Variants in F10 observed in about 807,000 individuals in gnomAD.
F10 encodes Stuart-Prower factor.
F10 carries 29 observed loss-of-function variants against 37.1 expected under a neutral mutation model. That is an observed-to-expected ratio of 0.78 (90% CI 0.58 to 1.07). F10 has a LOEUF of 1.07. Among genes scored for constraint, F10 ranks in the 50% least tolerant of loss-of-function variants. The probability of loss-of-function intolerance (pLI) is 0.00; values close to 1 mark genes in which losing one functional copy is unlikely to be tolerated. For synonymous variants in F10, 262 were observed against 268.6 expected (o/e 0.98, Z 0.24); for missense variants, 539 against 667.9 (o/e 0.81, Z 2.13).
Position 113,149,195 on chromosome 13 carries a change from T to C in F10, c.1145T>C (p.Val382Ala), listed in dbSNP as rs1595099586. 1.9e-6 allele frequency: 3 copies of C among 1,612,102 alleles called. No individual in the cohort carries two copies. The highest frequency in any genetic ancestry group is 2.5e-6 in the Non-Finnish European group (3 of 1,179,898). The change falls in exon 8 of 8, where the codon GTG becomes GCG. Residue 382 changes from valine (V) to alanine (A), a missense_variant. By Grantham distance (64) the Val-to-Ala change is moderately conservative (BLOSUM62 0). Coordinates refer to ENST00000375559, the MANE Select transcript of F10 (RefSeq NM_000504.4). The surrounding 1 kb of genome is among the most constrained non-coding windows in gnomAD (Gnocchi z 7.5). ...TCCACCAGGCTCAAGATGCTGGAGG[T>C]GCCCTACGTGGACCGCAACAGCTGC... ...RQSTRLKMLE[V>A]PYVDRNSCKL...
intron 2 of F10, among the ~76,000 whole-genome samples, chr13:113,135,174 T>G (rs1218708788): frequency 6.7e-6 from 1 of 149,156 alleles, no homozygotes; most frequent in East Asian, 2.0e-4. Context: ...ACCTGGGAGG[T>G]GAAGGTTGCA....
At position 113,148,255 on chromosome 13, in the gene F10, C is replaced by G. The variant is rs997658120; in HGVS notation, c.866-661C>G. ...CTGAGGCAGGAGAACCACTTGAACC[C>G]GGGAGGTGGAGGTTGCAGTGAGCTG... On this transcript the variant is annotated intron_variant, in intron 7 of 7. Coordinates refer to ENST00000375559, the MANE Select transcript of F10 (RefSeq NM_000504.4). Among the ~76,000 whole-genome samples the G allele has an allele frequency of 5.3e-5, 8 of 149,614 alleles. No individual in the cohort carries two copies. The South Asian group carries it at 1.3e-3, about 24-fold the overall frequency.
At chr13:113,122,957 C>G in intron 1 of F10, 32 bp downstream of exon 1, 1 of 1,605,122 alleles carries the variant, frequency 6.2e-7, no homozygotes, top group Non-Finnish European at 8.5e-7. Context: ...GACCCAAAAG[C>G]AGCGCCAGGG....
At chr13:113,148,854 C>T in intron 7 of F10, 62 bp from the exon 8 acceptor site, 2 of 1,573,588 alleles carry the variant, frequency 1.3e-6, no homozygotes, top group Non-Finnish European at 1.7e-6. Flanking sequence ...CCTTAAAAAG[C>T]AACGGATGTG....
At position 113,144,918 on chromosome 13, in the gene F10, G is replaced by A. The variant is rs1374072155; in HGVS notation, c.747+823G>A. Among the ~76,000 whole-genome samples the A allele has an allele frequency of 9.3e-5, 14 of 150,676 alleles. No individual in the cohort carries two copies. Among genetic ancestry groups the A allele is most frequent in the South Asian group, 4.2e-4 (2 of 4,764 alleles). ...TTTTGAGACGGAGTCTCACTCTGTC[G>A]CCCAGGCTGGAGTGCAGTGGCGCGA... On this transcript the variant is annotated intron_variant, in intron 6 of 7. Coordinates refer to ENST00000375559, the MANE Select transcript of F10 (RefSeq NM_000504.4). This position sits in a 1 kb window ranked among gnomAD's most constrained non-coding sequence, Gnocchi z 6.4.
At position 113,129,523 on chromosome 13, in the gene F10, A is replaced by C. The variant is rs201731360; in HGVS notation, c.142A>C (p.Met48Leu). Residue 48 changes from methionine (M) to leucine (L), a missense_variant, in exon 2 of 8, where the codon ATG (methionine) becomes CTG (leucine). Coordinates refer to ENST00000375559, the MANE Select transcript of F10 (RefSeq NM_000504.4). ...VTRANSFLEE[M>L]KKGHLERECM... ...GAGGGCCAATTCCTTTCTTGAAGAG[A>C]TGAAGAAAGGACACCTCGAAAGAGA... is the stretch of plus-strand genomic sequence containing the variant. The C allele has an allele frequency of 1.3e-4, 202 of 1,614,032 alleles. No individual in the cohort carries two copies. The highest frequency in any genetic ancestry group is 1.7e-4 in the Non-Finnish European group (196 of 1,180,026).
Position 113,129,464 on chromosome 13 carries a change from G to C in F10, c.83G>C (p.Arg28Thr), listed in dbSNP as rs2036405261. ...CCCTGCCTTCCAGTGTTCATCCGCA[G>C]GGAGCAGGCCAACAACATCCTGGCG... ...LLLGESLFIR[R>T]EQANNILARV... The change falls in exon 2 of 8, where the codon AGG (arginine) becomes ACG (threonine). Residue 28 changes from arginine to threonine, a missense_variant. Arg to Thr is a moderately conservative substitution (Grantham distance 71). Coordinates refer to ENST00000375559, the MANE Select transcript of F10 (RefSeq NM_000504.4). 3.1e-6 allele frequency: 5 copies of C among 1,613,782 alleles called. No individual in the cohort carries two copies. The highest frequency in any genetic ancestry group is 2.2e-5 in the South Asian group (2 of 91,054).
In F10 at chr13:113,146,054, C is replaced by T. The variant is rs945130762; in HGVS notation, c.748-1325C>T. Among the ~76,000 whole-genome samples, 1 of 152,188 alleles carries T rather than the reference C, an allele frequency of 6.6e-6. No individual in the cohort carries two copies. The highest frequency in any genetic ancestry group is 2.4e-5 in the African/African-American group (1 of 41,454). ...GCTGCCAGCGCCCCCATGAATTCCC[C>T]CAGGTCTTCCCCCACCCCAGACCGT... is the stretch of plus-strand genomic sequence containing the variant. On this transcript the variant is annotated intron_variant, in intron 6 of 7. Coordinates refer to ENST00000375559, the MANE Select transcript of F10 (RefSeq NM_000504.4). This position sits in a 1 kb window ranked among gnomAD's most constrained non-coding sequence, Gnocchi z 4.5.
intron 2 of F10, among the ~76,000 whole-genome samples, chr13:113,135,538 T>C (rs773904136): frequency 7.2e-5 from 11 of 152,206 alleles, no homozygotes; most frequent in Non-Finnish European, 1.6e-4. Context: ...GCCTCTTTTA[T>C]AAGGACATTA....
intron 2 of F10, chr13:113,130,783 C>T (rs986535266): frequency 1.3e-5 from 2 of 152,312 alleles, no homozygotes; most frequent in African/African-American, 4.8e-5. Flanking sequence ...AGTTCACCTT[C>T]TAATGACCCC....
At position 113,144,180 on chromosome 13, in the gene F10, A is replaced by G; in HGVS notation, c.747+85A>G. On this transcript the variant is annotated intron_variant, in intron 6 of 7. Transcript: ENST00000375559. The surrounding 1 kb of genome is among the most constrained non-coding windows in gnomAD (Gnocchi z 6.4). ...CGGGGAGGCCAGCCTGACACTTGGA[A>G]TAGCAATCCGGGAAGGAACTGTTCC... 1 of 1,594,104 alleles carries G rather than the reference A, an allele frequency of 6.3e-7. No individual in the cohort carries two copies. Among genetic ancestry groups the G allele is most frequent in the Non-Finnish European group, 8.5e-7 (1 of 1,170,306 alleles).
At chr13:113,126,650 G>C (rs2036373385) in intron 1 of F10, among the ~76,000 whole-genome samples, 1 of 152,190 alleles carries the variant, frequency 6.6e-6, no homozygotes, top group South Asian at 2.1e-4. Flanking sequence ...GGAGACCAAG[G>C]GGAAGAGAGA....
Position 113,141,024 on chromosome 13 carries a change from A to G in F10, c.476A>G (p.Asp159Gly), listed in dbSNP as rs776162435. 7.4e-6 allele frequency: 12 copies of G among 1,614,024 alleles called. No homozygotes were observed. The highest frequency in any genetic ancestry group is 9.3e-6 in the Non-Finnish European group (11 of 1,180,034). The change falls in exon 5 of 8, where the codon GAC becomes GGC. Residue 159 changes from aspartate to glycine, a missense_variant. Asp to Gly is a moderately conservative substitution (Grantham distance 94). Transcript: ENST00000375559. This position sits in a 1 kb window ranked among gnomAD's most constrained non-coding sequence, Gnocchi z 5.4. The part of the protein sequence containing the change: ...CSCARGYTLA[D>G]NGKACIPTGP... ...TGCGCCCGCGGGTACACCCTGGCTG[A>G]CAACGGCAAGGCCTGCATTCCCACA... is the stretch of plus-strand genomic sequence containing the variant.
chr13:113,133,501 C>T (rs2036452452), intron 2 of F10, among the ~76,000 whole-genome samples: 1 of 152,166 alleles, frequency 6.6e-6, no homozygotes, highest in African/African-American at 2.4e-5. Flanking sequence ...CCAAAACATA[C>T]ACAAGGTGAA....
rs143663869 is a variant in F10, at chr13:113,143,283, G to T, written c.503-568G>T. On this transcript the variant is annotated intron_variant, in intron 5 of 7. Transcript: ENST00000375559. The surrounding 1 kb of genome is among the most constrained non-coding windows in gnomAD (Gnocchi z 6.8). The stretch of plus-strand genomic sequence containing the variant: ...AAAGGAAGCTTCCTAACATCTCGGC[G>T]TGGCCTCTCTGGGAGCTGTGCTATT... 6.6e-6 allele frequency among the ~76,000 whole-genome samples: 1 copy of T among 152,062 alleles called. No homozygotes were observed. Among genetic ancestry groups the T allele is most frequent in the Non-Finnish European group, 1.5e-5 (1 of 68,012 alleles).
chr13:113,129,697 G>T, intron 2 of F10, 85 bp downstream of exon 2: 1 of 1,575,640 alleles, frequency 6.3e-7, no homozygotes, highest in Non-Finnish European at 8.7e-7. Context: ...CCATCCAGGG[G>T]GGCGGCCTGG....
chr13:113,148,345 A>AAAAAATATATATAT (rs1300922846), intron 7 of F10, among the ~76,000 whole-genome samples: 9 of 95,410 alleles, frequency 9.4e-5, no homozygotes, highest in African/African-American at 3.6e-4. Flanking sequence ...AAAAAAAAAA[A>AAAAAATATATATAT]ATATATATAT....
chr13:113,125,254 T>G (rs2036359406), intron 1 of F10, among the ~76,000 whole-genome samples: 1 of 152,358 alleles, frequency 6.6e-6, no homozygotes, highest in East Asian at 1.9e-4. Flanking sequence ...TTTAAACTAC[T>G]GCTGTTGTAC....
rs142470518 is a variant in F10, at chr13:113,141,639, C to T, written c.502+589C>T. On this transcript the variant is annotated intron_variant, in intron 5 of 7. Transcript: ENST00000375559. The surrounding 1 kb of genome is among the most constrained non-coding windows in gnomAD (Gnocchi z 5.4). ...GGCAGGGGACTGGGCAGGGTGGGGA[C>T]GAGCCTCCCTGTCCTGACCCCGTGG... Among the ~76,000 whole-genome samples, 7 of 152,278 alleles carry T rather than the reference C, an allele frequency of 4.6e-5. No individual in the cohort carries two copies. The East Asian group carries it at 5.8e-4, about 13-fold the overall frequency.
Sources: allele counts gnomAD v4.1 joint callset (sites outside exome capture counted in the v4.1 genomes callset), GRCh38; gene constraint gnomAD v4.1.1; non-coding constraint Gnocchi (gnomAD v3.1); transcripts MANE v1.5; gene names NCBI Gene and HGNC (gene_info 2026-07-23, HGNC 2026-07-21).